PUM1: variants seen among roughly 807,000 people sequenced by gnomAD.
The protein encoded by PUM1 is pumilio RNA binding family member 1.
A neutral mutation model predicts 131.8 loss-of-function variants in PUM1; 13 were observed. That is an observed-to-expected ratio of 0.10 (90% CI 0.06 to 0.16). PUM1 has a LOEUF of 0.16. Among genes scored for constraint, PUM1 ranks in the 10% least tolerant of loss-of-function variants. PUM1 has a pLI of 1.00. For synonymous variants in PUM1, 509 were observed against 556.5 expected, an observed-to-expected ratio of 0.91 and a Z score of 1.20; for missense variants, 961 against 1,512.4, an observed-to-expected ratio of 0.64 and a Z score of 6.05.
intron 3 of PUM1, 166 bp downstream of exon 3, chr1:31,028,630 C>T (rs998016197): frequency 4.9e-5 from 32 of 659,666 alleles, no homozygotes; most frequent in Non-Finnish European, 7.9e-5. Context: ...CTTTTAATGA[C>T]ATAGTTTTGG....
chr1:30,995,746 C>T (rs1440330153), intron 5 of PUM1, among the ~76,000 whole-genome samples: 2 of 152,160 alleles, frequency 1.3e-5, no homozygotes, highest in African/African-American at 2.4e-5. Context: ...ATCATATCAA[C>T]TCAATTATTC....
chr1:30,967,147 C>A lies in PUM1; in HGVS notation c.1789+20G>T. On this transcript the variant is annotated intron_variant, in intron 12 of 21. Transcript: ENST00000426105. ...CCACTTTTAGATCTCTGGCAGGAGT[C>A]CACTCAGATGTGCGCTCACCTGCTT... 1 of 1,610,678 alleles carries A rather than the reference C, an allele frequency of 6.2e-7. No individual in the cohort carries two copies. Among genetic ancestry groups the A allele is most frequent in the Non-Finnish European group, 8.5e-7 (1 of 1,177,342 alleles).
At chr1:31,019,453 G>T (rs1328561190) in intron 3 of PUM1, among the ~76,000 whole-genome samples, 1 of 152,178 alleles carries the variant, frequency 6.6e-6, no homozygotes, top group South Asian at 2.1e-4. Context: ...ACGCACAGGG[G>T]TTTCCTGTTT....
intron 2 of PUM1, chr1:31,055,474 A>G: frequency 2.2e-6 from 1 of 445,150 alleles, no homozygotes; most frequent in East Asian, 7.0e-5. Flanking sequence ...ATACACTATA[A>G]TGACTACAGA....
At chr1:31,038,165 T>C (rs1255371111) in intron 2 of PUM1, among the ~76,000 whole-genome samples, 2 of 151,380 alleles carry the variant, frequency 1.3e-5, no homozygotes, top group African/African-American at 2.4e-5. Context: ...TACCTTTTAT[T>C]ACAGAAGAAA....
intron 10 of PUM1, among the ~76,000 whole-genome samples, chr1:30,972,302 G>C (rs1225508288): frequency 0.014 from 1 of 70 alleles, no homozygotes; most frequent in African/African-American, 0.083. Context: ...GGGAGGGGAG[G>C]GGAGGGGAGG....
At chr1:31,058,597 G>C (rs1644299440) in intron 2 of PUM1, among the ~76,000 whole-genome samples, 1 of 146,046 alleles carries the variant, frequency 6.8e-6, no homozygotes, top group Non-Finnish European at 1.5e-5. Flanking sequence ...GGGAGGCGGA[G>C]CTTGCAGTGA....
At chr1:30,946,636 C>CAAAA (rs34267371) in intron 17 of PUM1, among the ~76,000 whole-genome samples, 1,583 of 122,172 alleles carry the variant, frequency 0.013, 22 homozygotes, top group Non-Finnish European at 0.02. Flanking sequence ...GACTCTGTCT[C>CAAAA]AAAAAAAAAA....
At chr1:31,019,386 C>A (rs984733980) in intron 3 of PUM1, among the ~76,000 whole-genome samples, 3 of 152,154 alleles carry the variant, frequency 2.0e-5, no homozygotes, top group Non-Finnish European at 4.4e-5. Flanking sequence ...TTTAGGACAA[C>A]CACAAATTAG....
Position 31,040,254 on chromosome 1 carries a change from G to A in PUM1, c.364-11390C>T, listed in dbSNP as rs562499079. On this transcript the variant is annotated intron_variant, in intron 2 of 21. Coordinates refer to ENST00000426105, the MANE Select transcript of PUM1 (RefSeq NM_001020658.2). Reference sequence around the variant, plus strand: ...TTTATTGAAACAGCTTCCTAGCACCGGATGTTAAGGGAAAAAGTAAATATT... The same window carrying A: ...TTTATTGAAACAGCTTCCTAGCACCAGATGTTAAGGGAAAAAGTAAATATT... Among the ~76,000 whole-genome samples, 11 of 152,178 alleles carry A rather than the reference G, an allele frequency of 7.2e-5. No individual in the cohort carries two copies. In the South Asian group the frequency reaches 8.3e-4, roughly 11 times the overall value.
rs1211801106 is a variant in PUM1 at position 30,940,462 on chromosome 1, C to G, written c.3242+689G>C. 6.6e-5 allele frequency among the ~76,000 whole-genome samples: 10 copies of G among 152,192 alleles called. No individual in the cohort carries two copies. The East Asian group carries it at 1.7e-3, about 26-fold the overall frequency. On this transcript the variant is annotated intron_variant, in intron 20 of 21. Transcript: ENST00000426105. The stretch of plus-strand genomic sequence containing the variant: ...CTGCACTCAAGCCTGGGCGACAGAG[C>G]GTGACCCTGTCTCAAAAAATAACAT...
intron 1 of PUM1, among the ~76,000 whole-genome samples, chr1:31,062,360 C>T (rs1260510677): frequency 6.6e-6 from 1 of 152,090 alleles, no homozygotes; most frequent in African/African-American, 2.4e-5. Context: ...CGGTGGCTTA[C>T]GCCTGTAATC....
intron 3 of PUM1, among the ~76,000 whole-genome samples, chr1:31,027,997 T>C (rs1337036911): frequency 6.6e-6 from 1 of 152,128 alleles, no homozygotes; most frequent in Non-Finnish European, 1.5e-5. Context: ...CCACAACAAA[T>C]GTCACTTGTG....
intron 3 of PUM1, 94 bp from the exon 4 acceptor site, chr1:31,007,196 G>T: frequency 1.1e-6 from 1 of 874,592 alleles, no homozygotes; most frequent in Non-Finnish European, 1.9e-6. Flanking sequence ...TACTGAAGAT[G>T]CTCACGTGCC....
chr1:30,987,454 C>T (rs1641608723), intron 7 of PUM1, among the ~76,000 whole-genome samples: 1 of 152,174 alleles, frequency 6.6e-6, no homozygotes, highest in African/African-American at 2.4e-5. Flanking sequence ...CTCGGCCTCC[C>T]AAAGTGCTGA....
At chr1:31,019,244 T>C (rs1407209497) in intron 3 of PUM1, among the ~76,000 whole-genome samples, 2 of 152,134 alleles carry the variant, frequency 1.3e-5, no homozygotes, top group African/African-American at 2.4e-5. Context: ...CCCAGTTACT[T>C]GGGAGGCTGA....
intron 3 of PUM1, among the ~76,000 whole-genome samples, chr1:31,021,497 T>C (rs2124534628): frequency 6.6e-6 from 1 of 152,312 alleles, no homozygotes; most frequent in South Asian, 2.1e-4. Flanking sequence ...CAGCTATTGT[T>C]TACAAAGCAC....
intron 14 of PUM1, among the ~76,000 whole-genome samples, chr1:30,957,189 T>C (rs990915666): frequency 6.6e-6 from 1 of 151,756 alleles, no homozygotes. Context: ...AAATTATAAA[T>C]GGCAATGGCA....
At chr1:30,950,356 T>TC in intron 16 of PUM1, 95 bp from the exon 17 acceptor site, 1 of 1,325,112 alleles carries the variant, frequency 7.5e-7, no homozygotes, top group South Asian at 1.5e-5. Flanking sequence ...ACCACTGGCA[T>TC]AACCTCTTTT....
Sources: allele counts gnomAD v4.1 joint callset (sites outside exome capture counted in the v4.1 genomes callset), GRCh38; gene constraint gnomAD v4.1.1; transcripts MANE v1.5; gene names NCBI Gene and HGNC (gene_info 2026-07-23, HGNC 2026-07-21).